The following EIF4G3 variants were observed in gnomAD, a reference collection of about 807,000 sequenced individuals.
EIF4G3 encodes the protein eIF-4-gamma 3.
A neutral mutation model predicts 186.4 loss-of-function variants in EIF4G3; 34 were observed. The ratio of observed to expected loss-of-function variants is 0.18; its 90% CI spans 0.14 to 0.24. The LOEUF is 0.24. EIF4G3 is among the 10% of genes least tolerant of loss of function. The pLI, the probability that EIF4G3 is intolerant of heterozygous loss-of-function variation, is 1.00. For missense variants in EIF4G3, 1,536 were observed against 1,948.5 expected, an observed-to-expected ratio of 0.79 and a Z score of 3.99; for synonymous variants, 673 against 679.5, an observed-to-expected ratio of 0.99 and a Z score of 0.15.
intron 2 of EIF4G3, among the ~76,000 whole-genome samples, chr1:21,150,970 C>T (rs564148648): frequency 2.7e-4 from 41 of 152,138 alleles, no homozygotes; most frequent in African/African-American, 8.9e-4. Context: ...AGTGAGACTC[C>T]GTCTCTAAAT....
At chr1:20,921,777 A>G (rs1225583462) in intron 14 of EIF4G3, among the ~76,000 whole-genome samples, 3 of 152,244 alleles carry the variant, frequency 2.0e-5, no homozygotes, top group African/African-American at 7.2e-5. Context: ...CATGGAAAGT[A>G]GAAGAAAACG....
In EIF4G3 at chr1:21,154,121, T is replaced by C. The variant is rs947202380; in HGVS notation, c.-272+22054A>G. 5.9e-5 allele frequency among the ~76,000 whole-genome samples: 9 copies of C among 152,348 alleles called. 1 individual carries two copies. The highest frequency in any genetic ancestry group is 3.9e-4 in the Admixed American group (6 of 15,294). ...ACCAAAATCAGGGTTATTAGTTTAA[T>C]GGAATTTGCTCATTTCTAAAGATGT... On this transcript the variant is annotated intron_variant, in intron 2 of 36. Coordinates refer to ENST00000602326, the MANE Select transcript of EIF4G3 (RefSeq NM_001391906.1).
chr1:20,973,223 T>A, intron 10 of EIF4G3, 124 bp from the exon 11 acceptor site: 1 of 657,458 alleles, frequency 1.5e-6, no homozygotes. Context: ...CTAAGCATTC[T>A]TCATCATCTT....
chr1:21,000,866 T>C (rs955680667), intron 6 of EIF4G3, among the ~76,000 whole-genome samples: 3 of 152,158 alleles, frequency 2.0e-5, no homozygotes, highest in Non-Finnish European at 2.9e-5. Context: ...TCCTTAATAT[T>C]CAATTATAAA....
At chr1:20,968,318 T>G (rs1281880846) in intron 12 of EIF4G3, among the ~76,000 whole-genome samples, 1 of 152,096 alleles carries the variant, frequency 6.6e-6, no homozygotes, top group Non-Finnish European at 1.5e-5. Context: ...TACCTGGGAT[T>G]ACAGGCATGT....
chr1:20,977,491 T>A lies in EIF4G3; in HGVS notation c.493+2843A>T, dbSNP rs183870125. 2.8e-4 allele frequency among the ~76,000 whole-genome samples: 43 copies of A among 152,320 alleles called. No individual in the cohort carries two copies. The East Asian group carries it at 7.5e-3, about 27-fold the overall frequency. On this transcript the variant is annotated intron_variant, in intron 10 of 36. Transcript: ENST00000602326. ...CATGAGCCACCACACCCGGCCTTTT[T>A]AAATTTTTATCATTAATTTAGTTAC...
chr1:20,930,444 C>A (rs2095253977), intron 14 of EIF4G3, among the ~76,000 whole-genome samples: 1 of 152,236 alleles, frequency 6.6e-6, no homozygotes, highest in Non-Finnish European at 1.5e-5. Flanking sequence ...GTATCCTCAA[C>A]AGGAATAGAT....
intron 2 of EIF4G3, among the ~76,000 whole-genome samples, chr1:21,142,225 C>A (rs2097353104): frequency 6.6e-6 from 1 of 151,558 alleles, no homozygotes; most frequent in African/African-American, 2.4e-5. Flanking sequence ...AATGGTCAGG[C>A]ATAATGGCTC....
intron 2 of EIF4G3, among the ~76,000 whole-genome samples, chr1:21,092,122 G>A (rs1457601758): frequency 1.3e-5 from 2 of 152,162 alleles, no homozygotes; most frequent in African/African-American, 4.8e-5. Context: ...GATATTGGCT[G>A]TGGGTTTGTC....
chr1:21,068,190 T>C (rs571709894), intron 3 of EIF4G3, among the ~76,000 whole-genome samples: 27 of 151,608 alleles, frequency 1.8e-4, no homozygotes, highest in African/African-American at 6.0e-4. Flanking sequence ...CTGGCCAACA[T>C]GGTGAAACCC....
intron 2 of EIF4G3, among the ~76,000 whole-genome samples, chr1:21,161,201 G>T (rs967923795): frequency 6.6e-6 from 1 of 151,588 alleles, no homozygotes; most frequent in African/African-American, 2.4e-5. Context: ...TTGACTGAGC[G>T]TTGGTTGAAA....
At chr1:21,129,842 C>T (rs1013019663) in intron 2 of EIF4G3, among the ~76,000 whole-genome samples, 4 of 151,924 alleles carry the variant, frequency 2.6e-5, no homozygotes, top group Admixed American at 1.3e-4. Flanking sequence ...AATTCCAACC[C>T]GAGAACTACC....
intron 2 of EIF4G3, among the ~76,000 whole-genome samples, chr1:21,154,983 C>CG (rs1469202848): frequency 6.6e-6 from 1 of 152,038 alleles, no homozygotes; most frequent in Non-Finnish European, 1.5e-5. Context: ...TATAGGCCAG[C>CG]GGGGCACAGT....
intron 2 of EIF4G3, among the ~76,000 whole-genome samples, chr1:21,159,801 C>A (rs1165557920): frequency 6.6e-6 from 1 of 150,888 alleles, no homozygotes; most frequent in Non-Finnish European, 1.5e-5. Context: ...ACTATCTCTA[C>A]AAAAAACTGA....
chr1:20,922,094 G>A (rs1283296071), intron 14 of EIF4G3, among the ~76,000 whole-genome samples: 4 of 152,070 alleles, frequency 2.6e-5, no homozygotes, highest in African/African-American at 4.8e-5. Context: ...GCCTATATTC[G>A]TATCAGTCTC....
At position 20,981,550 on chromosome 1, in the gene EIF4G3, GTATA is replaced by G. The variant is rs2078036250; in HGVS notation, c.199-327_199-324del. 3.5e-5 allele frequency among the ~76,000 whole-genome samples: 4 copies of G among 112,798 alleles called. No individual in the cohort carries two copies. The South Asian group carries it at 8.0e-4, about 23-fold the overall frequency. The allele number at this position is 112,798 out of a possible 152,430, so 74.0% of individuals were successfully genotyped here. ...ATACATGTATACGCACATACTGTATGTATACATACATACATGTATACGCACATAC... is the reference window on the plus strand; with the variant it reads ...ATACATGTATACGCACATACTGTATGCATACATACATGTATACGCACATAC... On this transcript the variant is annotated intron_variant, in intron 8 of 36. Transcript: ENST00000602326.
intron 3 of EIF4G3, among the ~76,000 whole-genome samples, chr1:21,087,941 T>C (rs923997906): frequency 9.3e-5 from 14 of 150,244 alleles, no homozygotes; most frequent in African/African-American, 3.4e-4. Flanking sequence ...CCAAAAAAAT[T>C]TTTTAATTAG....
chr1:20,882,061 G>T (rs2082497913), intron 19 of EIF4G3, among the ~76,000 whole-genome samples: 1 of 151,922 alleles, frequency 6.6e-6, no homozygotes, highest in Non-Finnish European at 1.5e-5. Context: ...TACTTGTGGG[G>T]CTGAGGCAGG....
intron 2 of EIF4G3, among the ~76,000 whole-genome samples, chr1:21,109,421 G>C (rs951540031): frequency 6.6e-6 from 1 of 152,176 alleles, no homozygotes; most frequent in Non-Finnish European, 1.5e-5. Flanking sequence ...GAAGCAGGAG[G>C]ATCGCTTGAG....
Sources: gnomAD v4.1 joint callset for allele counts (sites outside exome capture counted in the v4.1 genomes callset) on GRCh38, gnomAD v4.1.1 for gene constraint, MANE v1.5 for transcripts, NCBI Gene and HGNC (gene_info 2026-07-23, HGNC 2026-07-21) for gene names.